TRAFD1: variants seen among roughly 807,000 people sequenced by gnomAD.
TRAFD1 encodes the protein TRAF-type zinc finger domain containing 1.
A neutral mutation model predicts 65.3 loss-of-function variants in TRAFD1; 38 were observed. The observed-to-expected ratio is 0.58, with a 90% CI of 0.45 to 0.76. The LOEUF is 0.76. TRAFD1 is among the 30% of genes least tolerant of loss of function. TRAFD1 has a pLI of 0.00. For missense variants in TRAFD1, 631 were observed against 712.6 expected, an observed-to-expected ratio of 0.89 and a Z score of 1.30; for synonymous variants, 223 against 257.2, an observed-to-expected ratio of 0.87 and a Z score of 1.27.
chr12:112,126,969 G>A (rs568244451), intron 1 of TRAFD1, among the ~76,000 whole-genome samples: 12 of 152,200 alleles, frequency 7.9e-5, no homozygotes, highest in South Asian at 6.2e-4. Context: ...TGGGTGTCTT[G>A]AATTATGTCA....
chr12:112,143,084 A>AT (rs1179301745), intron 6 of TRAFD1, among the ~76,000 whole-genome samples: 132 of 115,316 alleles, frequency 1.1e-3, no homozygotes, highest in African/African-American at 2.2e-3. Flanking sequence ...CGCCTGGCTA[A>AT]TTTTTTTTTT....
chr12:112,140,141 C>G, intron 4 of TRAFD1: 1 of 340,620 alleles, frequency 2.9e-6, no homozygotes, highest in South Asian at 2.2e-5. Context: ...GAATTGGAGG[C>G]CGGGCGTGGT....
Position 112,130,129 on chromosome 12 carries a change from AT to A in TRAFD1, c.-12-370del, listed in dbSNP as rs1158618041. ...AGGCACACATCACCATGCCTGGGTA[AT>A]TTTTTTTTTTTGTATTTTTTGTAGA... On this transcript the variant is annotated intron_variant, in intron 1 of 11. Coordinates refer to ENST00000412615, the MANE Select transcript of TRAFD1 (RefSeq NM_006700.3). The surrounding 1 kb of genome is among the most constrained non-coding windows in gnomAD (Gnocchi z 4.4). 9.1e-4 allele frequency among the ~76,000 whole-genome samples: 129 copies of A among 141,632 alleles called. No homozygotes were observed. Among genetic ancestry groups the A allele is most frequent in the Non-Finnish European group, 1.0e-3 (68 of 64,770 alleles). 92.9% of individuals were successfully genotyped at this position (141,632 alleles called of 152,430 possible). A position where few individuals can be genotyped will look rare whatever the true frequency, so the allele number is the denominator to read the frequency against.
chr12:112,134,969 T>C (rs1200601853), intron 3 of TRAFD1, 44 bp from the exon 4 acceptor site: 2 of 1,614,006 alleles, frequency 1.2e-6, no homozygotes, highest in Non-Finnish European at 8.5e-7. Flanking sequence ...CAAATGAGCA[T>C]ATTGTCCCAA....
At chr12:112,149,618 A>G in intron 8 of TRAFD1, 133 bp from the exon 9 acceptor site, 1 of 1,248,260 alleles carries the variant, frequency 8.0e-7, no homozygotes, top group Non-Finnish European at 1.1e-6. Flanking sequence ...GTGGTTTCTG[A>G]AAGTTCCCAG....
At chr12:112,129,752 C>T (rs2079558035) in intron 1 of TRAFD1, among the ~76,000 whole-genome samples, 1 of 151,940 alleles carries the variant, frequency 6.6e-6, no homozygotes, top group Non-Finnish European at 1.5e-5. Context: ...AAGCGATTCT[C>T]CTGCCTCAGC....
chr12:112,131,908 G>A (rs1422689461), intron 2 of TRAFD1, among the ~76,000 whole-genome samples: 1 of 152,164 alleles, frequency 6.6e-6, no homozygotes, highest in Non-Finnish European at 1.5e-5. Context: ...GGTCTTACTT[G>A]ACAGCTGCTT....
chr12:112,150,928 C>G (rs1481101656), intron 9 of TRAFD1, among the ~76,000 whole-genome samples: 1 of 151,840 alleles, frequency 6.6e-6, no homozygotes, highest in Non-Finnish European at 1.5e-5. Flanking sequence ...GAAACCTCAC[C>G]ACTACAAAGC....
rs1346856045 is a variant in TRAFD1 at position 112,152,796 on chromosome 12, G to T, written c.*5G>T. On this transcript the variant is annotated 3_prime_UTR_variant, in exon 12 of 12. Coordinates refer to ENST00000412615, the MANE Select transcript of TRAFD1 (RefSeq NM_006700.3). The surrounding 1 kb of genome is among the most constrained non-coding windows in gnomAD (Gnocchi z 5.0). ...GAAGAGGAAGAGGAGGAGTAATGGT[G>T]TCTCCAGAGACTTTACATCGGTTCC... 5 of 1,614,142 alleles carry T rather than the reference G, an allele frequency of 3.1e-6. No individual in the cohort carries two copies. In the South Asian group the frequency reaches 5.5e-5, roughly 18 times the overall value.
At chr12:112,140,406 C>T (rs1032811139) in intron 4 of TRAFD1, among the ~76,000 whole-genome samples, 5 of 130,474 alleles carry the variant, frequency 3.8e-5, no homozygotes, top group East Asian at 2.3e-4. Context: ...GGCGACAGTG[C>T]GAGACACTGT....
In TRAFD1 at chr12:112,145,590, A is replaced by T; in HGVS notation, c.855A>T (p.Ala285=). 1 of 1,614,112 alleles carries T rather than the reference A, an allele frequency of 6.2e-7. No individual in the cohort carries two copies. Among genetic ancestry groups the T allele is most frequent in the Non-Finnish European group, 8.5e-7 (1 of 1,180,006 alleles). The change falls in exon 7 of 12, where the codon GCA becomes GCT. Residue 285 remains alanine (A), a synonymous_variant. Coordinates refer to ENST00000412615, the MANE Select transcript of TRAFD1 (RefSeq NM_006700.3). ...GPRSLSDIKG[A]ADEIMLPCEF... ...ATTGTGTGGCCTAATACCTAGGTGCAGCTGACGAGATCATGTTGCCTTGTG... is the reference window on the plus strand; with the variant it reads ...ATTGTGTGGCCTAATACCTAGGTGCTGCTGACGAGATCATGTTGCCTTGTG...
rs1160299903 is a variant in TRAFD1 at position 112,130,042 on chromosome 12, T to C, written c.-12-469T>C. On this transcript the variant is annotated intron_variant, in intron 1 of 11. Transcript: ENST00000412615. This position sits in a 1 kb window ranked among gnomAD's most constrained non-coding sequence, Gnocchi z 4.4. ...ATGGCTCTCTGCAGCCTTAAACTCCTAGGCTTAAGCATTCCTCTTGCACAT... is the reference window on the plus strand; with the variant it reads ...ATGGCTCTCTGCAGCCTTAAACTCCCAGGCTTAAGCATTCCTCTTGCACAT... Among the ~76,000 whole-genome samples the C allele has an allele frequency of 6.6e-6, 1 of 151,774 alleles. No individual in the cohort carries two copies. Among genetic ancestry groups the C allele is most frequent in the East Asian group, 1.9e-4 (1 of 5,186 alleles).
Position 112,141,165 on chromosome 12 carries a change from A to G in TRAFD1, c.584A>G (p.His195Arg), listed in dbSNP as rs752714882. 1.9e-6 allele frequency: 3 copies of G among 1,614,080 alleles called. No homozygotes were observed. The highest frequency in any genetic ancestry group is 1.1e-5 in the South Asian group (1 of 91,090). Reference sequence around the variant, plus strand: ...AGAGCCTTTGAATCAGATGTTTTCCACAATAGAACTACCAACCAAAGGAAC... The same window carrying G: ...AGAGCCTTTGAATCAGATGTTTTCCGCAATAGAACTACCAACCAAAGGAAC... Reference protein sequence around the residue: ...PLRAFESDVFHNRTTNQRNIT... With the variant: ...PLRAFESDVFRNRTTNQRNIT... The change falls in exon 5 of 12, where the codon CAC becomes CGC. Residue 195 changes from histidine to arginine, a missense_variant. Transcript: ENST00000412615.
At chr12:112,147,558 T>C (rs754209640) in intron 7 of TRAFD1, among the ~76,000 whole-genome samples, 1 of 152,122 alleles carries the variant, frequency 6.6e-6, no homozygotes, top group Non-Finnish European at 1.5e-5. Flanking sequence ...TCAAATTAAT[T>C]TAAAAAGAAT....
intron 5 of TRAFD1, 122 bp from the exon 6 acceptor site, chr12:112,141,967 A>G (rs1388855011): frequency 9.4e-7 from 1 of 1,068,396 alleles, no homozygotes; most frequent in African/African-American, 1.6e-5. Context: ...CTAGTTGAAC[A>G]TGGTCATTTT....
Position 112,152,075 on chromosome 12 carries a change from A to G in TRAFD1, c.1554A>G (p.Gln518=). 6.2e-7 allele frequency: 1 copy of G among 1,614,142 alleles called. No individual in the cohort carries two copies. Among genetic ancestry groups the G allele is most frequent in the Non-Finnish European group, 8.5e-7 (1 of 1,179,994 alleles). Residue 518 remains glutamine, a synonymous_variant, in exon 10 of 12, where the codon CAA becomes CAG. Coordinates refer to ENST00000412615, the MANE Select transcript of TRAFD1 (RefSeq NM_006700.3). The surrounding 1 kb of genome is among the most constrained non-coding windows in gnomAD (Gnocchi z 5.0). ...PGHVSVIRPP[Q]NLYPENIVPS... is the part of the protein sequence containing the mutation. ...ACGTTTCAGTGATTCGCCCTCCTCA[A>G]AATCTCTACCCAGAAAACATTGTGC...
chr12:112,143,801 C>T (rs1174882031), intron 6 of TRAFD1, among the ~76,000 whole-genome samples: 4 of 145,370 alleles, frequency 2.8e-5, no homozygotes, highest in African/African-American at 5.1e-5. Context: ...GGTGTGATCG[C>T]GGCTCACTGC....
chr12:112,151,718 G>A (rs2030411042), intron 9 of TRAFD1, 83 bp from the exon 10 acceptor site: 4 of 1,363,130 alleles, frequency 2.9e-6, no homozygotes, highest in Non-Finnish European at 4.0e-6. Flanking sequence ...CTTCTATCTG[G>A]AATCTTTTTG....
intron 2 of TRAFD1, among the ~76,000 whole-genome samples, chr12:112,132,103 T>C (rs527455229): frequency 2.6e-5 from 4 of 152,340 alleles, no homozygotes; most frequent in South Asian, 2.1e-4. Context: ...GCCAATATTA[T>C]GAAAAAGGAA....
Sources: gnomAD v4.1 joint callset for allele counts (sites outside exome capture counted in the v4.1 genomes callset) on GRCh38, gnomAD v4.1.1 for gene constraint, Gnocchi (gnomAD v3.1) non-coding constraint, MANE v1.5 for transcripts, NCBI Gene and HGNC (gene_info 2026-07-23, HGNC 2026-07-21) for gene names.